The following PLXND1 variants were observed in gnomAD, a reference collection of about 807,000 sequenced individuals.
PLXND1 encodes the protein plexin-D1.
A neutral mutation model predicts 197.7 loss-of-function variants in PLXND1; 54 were observed. That is an observed-to-expected ratio of 0.27 (90% CI 0.22 to 0.34). The LOEUF (loss-of-function observed/expected upper bound fraction) is 0.34. PLXND1 is among the 10% of genes least tolerant of loss of function. PLXND1 has a pLI of 1.00. For missense variants in PLXND1, 2,127 were observed against 2,699.2 expected, an observed-to-expected ratio of 0.79 and a Z score of 4.70; for synonymous variants, 1,180 against 1,161.2, an observed-to-expected ratio of 1.02 and a Z score of -0.33.
At chr3:129,586,514 C>T (rs1287453284) in intron 3 of PLXND1, 74 bp downstream of exon 3, 19 of 1,509,910 alleles carry the variant, frequency 1.3e-5, no homozygotes, top group Non-Finnish European at 1.6e-5. Flanking sequence ...AGAGGAACAG[C>T]GTGTGTAAAG....
rs529493510 is a variant in PLXND1, at chr3:129,560,667, G to C, written c.5028+22C>G. On this transcript the variant is annotated intron_variant, in intron 30 of 35. Transcript: ENST00000324093. ...CACCCACTGAGGGGCTGGATCCCCC[G>C]GGGCCGAGGTTGGGCACTCACCAAA... is the stretch of plus-strand genomic sequence containing the variant. The C allele has an allele frequency of 2.5e-6, 4 of 1,588,288 alleles. No homozygotes were observed. In the East Asian group the frequency reaches 8.9e-5, roughly 35 times the overall value.
At position 129,555,875 on chromosome 3, in the gene PLXND1, T is replaced by C. The variant is rs1439432832; in HGVS notation, c.*437A>G. 2 of 300,358 alleles carry C rather than the reference T, an allele frequency of 6.7e-6. No homozygotes were observed. The highest frequency in any genetic ancestry group is 4.4e-5 in the African/African-American group (2 of 45,346). 18.6% of individuals were successfully genotyped at this position (300,358 alleles called of 1,614,324 possible). On this transcript the variant is annotated 3_prime_UTR_variant, in exon 36 of 36. Coordinates refer to ENST00000324093, the MANE Select transcript of PLXND1 (RefSeq NM_015103.3). ...AAGCAGAAACCAATCAAAGGTCAGTTCAAGGAGGGCTCCCTGCACCAGTGT... is the reference window on the plus strand; with the variant it reads ...AAGCAGAAACCAATCAAAGGTCAGTCCAAGGAGGGCTCCCTGCACCAGTGT...
rs181069761 is a variant in PLXND1 at position 129,584,671 on chromosome 3, G to A, written c.1852-109C>T. The A allele has an allele frequency of 4.9e-3, 5,244 of 1,059,654 alleles. 21 individuals carry two copies. The highest frequency in any genetic ancestry group is 7.7e-3 in the Middle Eastern group (31 of 4,034). The allele number at this position is 1,059,654 out of a possible 1,614,324, so 65.6% of individuals were successfully genotyped here. On this transcript the variant is annotated intron_variant, in intron 5 of 35. Coordinates refer to ENST00000324093, the MANE Select transcript of PLXND1 (RefSeq NM_015103.3). Reference sequence around the variant, plus strand: ...TGGCACTGCCTGAATGTCCCCTGGGGGAAGGGGTAGTGGTGGCCAGGACTC... The same window carrying A: ...TGGCACTGCCTGAATGTCCCCTGGGAGAAGGGGTAGTGGTGGCCAGGACTC...
chr3:129,566,575 C>T lies in PLXND1; in HGVS notation c.4143G>A (p.Gln1381=). 1.2e-6 allele frequency: 2 copies of T among 1,613,626 alleles called. No homozygotes were observed. The highest frequency in any genetic ancestry group is 1.7e-6 in the Non-Finnish European group (2 of 1,179,680). Residue 1381 remains glutamine (Q), a synonymous_variant, in exon 23 of 36, where the codon CAG becomes CAA. Transcript: ENST00000324093. ...YVLPSQTLNS[Q]GSSQAQETHP... is the part of the protein sequence containing the mutation. ...GGGTTTCCTGTGCCTGGGAGCTGCC[C>T]TGGGAGTTGAGGGTCTGGGAGGGCA...
In PLXND1 at chr3:129,565,411, G is replaced by A. The variant is rs867012218; in HGVS notation, c.4450C>T (p.Arg1484Trp). Residue 1484 changes from arginine (R) to tryptophan (W), a missense_variant, in exon 25 of 36, where the codon CGG becomes TGG. By Grantham distance (101) the Arg-to-Trp change is moderately radical. Coordinates refer to ENST00000324093, the MANE Select transcript of PLXND1 (RefSeq NM_015103.3). ...SAAKNPKLMLRRTESVVEKML... is the reference protein window; with the variant it reads ...SAAKNPKLMLWRTESVVEKML... ...TTCTCCACCACAGACTCTGTGCGCC[G>A]CAGCATGAGCTTGGGGTTCTTGGCG... The A allele has an allele frequency of 1.9e-6, 3 of 1,614,010 alleles. No individual in the cohort carries two copies. Among genetic ancestry groups the A allele is most frequent in the African/African-American group, 2.7e-5 (2 of 74,940 alleles).
At chr3:129,603,689 G>A (rs767203512) in intron 1 of PLXND1, among the ~76,000 whole-genome samples, 4 of 152,176 alleles carry the variant, frequency 2.6e-5, no homozygotes, top group Non-Finnish European at 5.9e-5. Context: ...GTGGGAGACC[G>A]ACCTCGACCT....
chr3:129,566,294 A>AG (rs1260659662), intron 23 of PLXND1: 6 of 600,266 alleles, frequency 1.0e-5, no homozygotes, highest in Non-Finnish European at 1.5e-5. Context: ...TGGGGTGTAC[A>AG]GGGGGGCCCA....
In PLXND1 at chr3:129,579,232, A is replaced by C. The variant is rs550004533; in HGVS notation, c.2242-799T>G. On this transcript the variant is annotated intron_variant, in intron 8 of 35. Coordinates refer to ENST00000324093, the MANE Select transcript of PLXND1 (RefSeq NM_015103.3). ...GGGAGGGAGGGGAGATTGAGCCTCC[A>C]AGAGCAGTGAGCTGCCTGAGGGCGG... Among the ~76,000 whole-genome samples the C allele has an allele frequency of 1.2e-4, 19 of 152,284 alleles. No individual in the cohort carries two copies. The South Asian group carries it at 3.9e-3, about 32-fold the overall frequency.
In PLXND1 at chr3:129,586,739, C is replaced by T; in HGVS notation, c.1489-20G>A. On this transcript the variant is annotated intron_variant, in intron 2 of 35. Transcript: ENST00000324093. ...GTTGATCTGTGGGGGTAGTGGGCAT[C>T]AGGGTGCTGGAGCCCATAGCAGGGG... 6.3e-7 allele frequency: 1 copy of T among 1,596,978 alleles called. No individual in the cohort carries two copies.
At position 129,567,480 on chromosome 3, in the gene PLXND1, G is replaced by C. The variant is rs760927383; in HGVS notation, c.4086+12C>G. On this transcript the variant is annotated intron_variant, in intron 22 of 35. Coordinates refer to ENST00000324093, the MANE Select transcript of PLXND1 (RefSeq NM_015103.3). ...TGGCACAGGTTCAGGGCAGGCTCAG[G>C]CTCGGGCTGACCTTGGGGAAGAAGG... is the stretch of plus-strand genomic sequence containing the variant. 6.6e-7 allele frequency: 1 copy of C among 1,516,682 alleles called. No individual in the cohort carries two copies. The highest frequency in any genetic ancestry group is 9.1e-7 in the Non-Finnish European group (1 of 1,101,704). The allele number at this position is 1,516,682 out of a possible 1,614,324, so 94.0% of individuals were successfully genotyped here. A position where few individuals can be genotyped will look rare whatever the true frequency, so the allele number is the denominator to read the frequency against.
chr3:129,562,963 G>C lies in PLXND1; in HGVS notation c.4669-20C>G, dbSNP rs1374009597. 6.2e-7 allele frequency: 1 copy of C among 1,602,180 alleles called. No homozygotes were observed. Among genetic ancestry groups the C allele is most frequent in the African/African-American group, 1.3e-5 (1 of 74,714 alleles). ...CAGGTTCTGCAGGGGGAGAGTGGGA[G>C]AGAAAGGTCAGTGAGTTGCTGCCAT... On this transcript the variant is annotated intron_variant, in intron 26 of 35. Transcript: ENST00000324093.
In PLXND1 at chr3:129,577,777, T is replaced by C. The variant is rs555716900; in HGVS notation, c.2346+552A>G. Among the ~76,000 whole-genome samples, 2 of 152,160 alleles carry C rather than the reference T, an allele frequency of 1.3e-5. No homozygotes were observed. Among genetic ancestry groups the C allele is most frequent in the South Asian group, 2.1e-4 (1 of 4,818 alleles). On this transcript the variant is annotated intron_variant, in intron 9 of 35. Coordinates refer to ENST00000324093, the MANE Select transcript of PLXND1 (RefSeq NM_015103.3). This position sits in a 1 kb window ranked among gnomAD's most constrained non-coding sequence, Gnocchi z 5.0. ...GGCTAGTTGCAAAGACGAGCACTGG[T>C]TGGGGAGTCCAGAGCTAAGCACAAG...
intron 8 of PLXND1, among the ~76,000 whole-genome samples, chr3:129,581,868 C>T (rs150992527): frequency 6.6e-5 from 10 of 152,362 alleles, no homozygotes; most frequent in South Asian, 4.1e-4. Context: ...GGTTAGCGCA[C>T]AAGAAGCAGG....
intron 1 of PLXND1, among the ~76,000 whole-genome samples, chr3:129,589,927 G>A (rs1236281322): frequency 1.3e-5 from 2 of 152,162 alleles, no homozygotes; most frequent in Admixed American, 6.5e-5. Context: ...GGAGGCCACC[G>A]TCAGCCTCAG....
At chr3:129,560,231 C>G (rs1358332459) in intron 31 of PLXND1, 99 bp downstream of exon 31, 2 of 750,344 alleles carry the variant, frequency 2.7e-6, no homozygotes, top group Non-Finnish European at 4.6e-6. Context: ...ACCCCTCTCC[C>G]AGCCGCGGGT....
chr3:129,569,307 T>C (rs1174664093), intron 20 of PLXND1: 1 of 152,658 alleles, frequency 6.6e-6, no homozygotes, highest in Non-Finnish European at 1.5e-5. Flanking sequence ...CTTGAGCAGA[T>C]AGCTAGGGGT....
intron 1 of PLXND1, chr3:129,591,588 C>A (rs1457373275): frequency 1.3e-5 from 2 of 152,336 alleles, no homozygotes; most frequent in Admixed American, 1.3e-4. Flanking sequence ...ACCTGGCCCA[C>A]AGTAAGTGTC....
chr3:129,561,856 C>T lies in PLXND1; in HGVS notation c.4873G>A (p.Asp1625Asn), dbSNP rs927967550. 12 of 1,613,890 alleles carry T rather than the reference C, an allele frequency of 7.4e-6. No individual in the cohort carries two copies. The East Asian group carries it at 8.9e-5, about 12-fold the overall frequency. ...TQSYILRDLD[D>N]TSVVEDGRKK... ...CGGCCGTCTTCCACCACTGAGGTGT[C>T]GTCCAGGTCCCGAAGGATGTAGCTC... The change falls in exon 28 of 36, where the codon GAC becomes AAC. Residue 1625 changes from aspartate to asparagine, a missense_variant. Physicochemically the swap from Asp to Asn is conservative, Grantham distance 23 (BLOSUM62 1). Around this residue, in one of 6 missense-constraint regions of PLXND1, gnomAD observed 532 missense variants for 811.0 expected, o/e 0.66. Transcript: ENST00000324093.
At chr3:129,562,404 G>C in intron 27 of PLXND1, 1 of 234,402 alleles carries the variant, frequency 4.3e-6, no homozygotes, top group Non-Finnish European at 8.4e-6. Context: ...CAGCTACTCA[G>C]GAGGCTGAAA....
Sources: allele counts gnomAD v4.1 joint callset (sites outside exome capture counted in the v4.1 genomes callset), GRCh38; gene constraint gnomAD v4.1.1; regional missense constraint gnomAD v4.1.1; non-coding constraint Gnocchi (gnomAD v3.1); transcripts MANE v1.5; gene names NCBI Gene and HGNC (gene_info 2026-07-23, HGNC 2026-07-21).